Variants in PRKCB observed in about 807,000 individuals in gnomAD.
PRKCB encodes protein kinase C beta, also known as protein kinase C beta type.
PRKCB carries 13 observed loss-of-function variants against 81.5 expected under a neutral mutation model. The ratio of observed to expected loss-of-function variants is 0.16; its 90% CI spans 0.10 to 0.25. The LOEUF is 0.25. Among genes scored for constraint, PRKCB ranks in the 10% least tolerant of loss-of-function variants. The pLI is 1.00. For missense variants in PRKCB, 509 were observed against 875.7 expected (o/e 0.58, Z 5.29); for synonymous variants, 335 against 321.4 (o/e 1.04, Z -0.45).
chr16:23,893,303 T>G (rs1241099520), intron 2 of PRKCB: 2 of 152,276 alleles, frequency 1.3e-5, no homozygotes, highest in Non-Finnish European at 2.9e-5. Flanking sequence ...CATGAAGGTT[T>G]CTGCCAGCAA....
chr16:24,007,524 C>G (rs1269004861), intron 3 of PRKCB, among the ~76,000 whole-genome samples: 2 of 152,150 alleles, frequency 1.3e-5, no homozygotes, highest in Non-Finnish European at 2.9e-5. Context: ...AATGCAGAAC[C>G]CGCTTGTAAA....
rs62029563 is a variant in PRKCB, at chr16:23,961,756, C to T, written c.206-26752C>T. 6.0e-3 allele frequency among the ~76,000 whole-genome samples: 906 copies of T among 152,124 alleles called. 10 individuals carry two copies. The highest frequency in any genetic ancestry group is 0.02 in the Middle Eastern group (6 of 294). On this transcript the variant is annotated intron_variant, in intron 2 of 16. Coordinates refer to ENST00000643927, the MANE Select transcript of PRKCB (RefSeq NM_002738.7). ...GCATTTTACTTGCCAGTTGAGCATC[C>T]CAAATCCAAAAAGTTAAAATCCAAA...
chr16:24,066,345 C>A (rs950774277), intron 5 of PRKCB, among the ~76,000 whole-genome samples: 2 of 152,138 alleles, frequency 1.3e-5, no homozygotes, highest in Admixed American at 6.5e-5. Context: ...TCTTAATAAT[C>A]TGTTTTTCAG....
At chr16:23,912,120 C>T (rs1356507248) in intron 2 of PRKCB, among the ~76,000 whole-genome samples, 1 of 152,110 alleles carries the variant, frequency 6.6e-6, no homozygotes, top group African/African-American at 2.4e-5. Flanking sequence ...ACATGAGCCA[C>T]TGTACCTAAC....
intron 5 of PRKCB, among the ~76,000 whole-genome samples, chr16:24,059,503 AT>A (rs558821020): frequency 0.012 from 1,812 of 147,322 alleles, 32 homozygotes; most frequent in African/African-American, 0.04. Flanking sequence ...ACAAAAAAAA[AT>A]TTTTTTTTTT....
intron 2 of PRKCB, among the ~76,000 whole-genome samples, chr16:23,913,248 C>T (rs1026559686): frequency 2.6e-5 from 4 of 151,904 alleles, no homozygotes; most frequent in Non-Finnish European, 5.9e-5. Flanking sequence ...GCCGAGAGAA[C>T]ACAAGGGGAG....
At chr16:24,168,654 G>A (rs1235227830) in intron 10 of PRKCB, among the ~76,000 whole-genome samples, 4 of 139,544 alleles carry the variant, frequency 2.9e-5, no homozygotes, top group African/African-American at 7.8e-5. Context: ...GGGCTCAAGC[G>A]ATCCTCTTGC....
intron 5 of PRKCB, among the ~76,000 whole-genome samples, chr16:24,055,346 T>C (rs1343679595): frequency 6.6e-6 from 1 of 152,166 alleles, no homozygotes; most frequent in Non-Finnish European, 1.5e-5. Flanking sequence ...GCCTGCTGGG[T>C]TCTGAGAAGC....
At chr16:24,021,878 A>G (rs957582422) in intron 3 of PRKCB, among the ~76,000 whole-genome samples, 4 of 152,192 alleles carry the variant, frequency 2.6e-5, no homozygotes, top group Non-Finnish European at 5.9e-5. Flanking sequence ...GTATGTGTTC[A>G]ATTCAATAAA....
chr16:24,029,654 C>T (rs1356221906), intron 3 of PRKCB, among the ~76,000 whole-genome samples: 1 of 125,972 alleles, frequency 7.9e-6, no homozygotes, highest in Non-Finnish European at 1.7e-5. Context: ...TTAGGAGAAG[C>T]ACTCATCACA....
intron 3 of PRKCB, among the ~76,000 whole-genome samples, chr16:24,010,383 T>A (rs1018589514): frequency 5.9e-5 from 9 of 152,214 alleles, no homozygotes; most frequent in South Asian, 2.1e-4. Context: ...TTAAACACAT[T>A]TTTGGACTGG....
chr16:24,197,369 A>G (rs540960516), intron 16 of PRKCB, among the ~76,000 whole-genome samples: 1 of 152,204 alleles, frequency 6.6e-6, no homozygotes, highest in East Asian at 1.9e-4. Flanking sequence ...CCATGTATAT[A>G]TCTGGGTGAG....
intron 3 of PRKCB, among the ~76,000 whole-genome samples, chr16:23,995,778 T>C (rs1275627834): frequency 6.6e-6 from 1 of 152,218 alleles, no homozygotes; most frequent in Non-Finnish European, 1.5e-5. Flanking sequence ...GCCTTCTCTC[T>C]CCCAACTTGC....
At chr16:23,977,349 A>C (rs924814948) in intron 2 of PRKCB, among the ~76,000 whole-genome samples, 1 of 152,060 alleles carries the variant, frequency 6.6e-6, no homozygotes, top group African/African-American at 2.4e-5. Flanking sequence ...CATTCAAATC[A>C]CCCAGGAGCT....
At chr16:24,080,352 G>C (rs1167340596) in intron 5 of PRKCB, among the ~76,000 whole-genome samples, 1 of 152,136 alleles carries the variant, frequency 6.6e-6, no homozygotes, top group Non-Finnish European at 1.5e-5. Flanking sequence ...TAGGGACTCA[G>C]GTACACAAAA....
intron 2 of PRKCB, among the ~76,000 whole-genome samples, chr16:23,957,514 C>T (rs1964365862): frequency 6.6e-6 from 1 of 152,176 alleles, no homozygotes; most frequent in Non-Finnish European, 1.5e-5. Flanking sequence ...AAAACAGGAG[C>T]TTCAGCCTCA....
chr16:23,861,862 A>G (rs1191605974), intron 2 of PRKCB, among the ~76,000 whole-genome samples: 1 of 152,212 alleles, frequency 6.6e-6, no homozygotes, highest in East Asian at 1.9e-4. Context: ...GAATTCACTA[A>G]TCTTGATATA....
At chr16:23,880,739 A>T (rs1027644130) in intron 2 of PRKCB, among the ~76,000 whole-genome samples, 1 of 151,944 alleles carries the variant, frequency 6.6e-6, no homozygotes, top group Non-Finnish European at 1.5e-5. Flanking sequence ...GAAGCAATAC[A>T]TCTTCATTAT....
chr16:24,169,638 A>C (rs1967408925), intron 10 of PRKCB, among the ~76,000 whole-genome samples: 1 of 152,088 alleles, frequency 6.6e-6, no homozygotes, highest in Non-Finnish European at 1.5e-5. Context: ...CCTTCTAAAT[A>C]AGATTATCCT....
Sources: gnomAD v4.1 joint callset for allele counts (sites outside exome capture counted in the v4.1 genomes callset) on GRCh38, gnomAD v4.1.1 for gene constraint, MANE v1.5 for transcripts, NCBI Gene and HGNC (gene_info 2026-07-23, HGNC 2026-07-21) for gene names.